PLXNA4: variants seen among roughly 807,000 people sequenced by gnomAD.
PLXNA4 encodes plexin-A4.
Under a neutral mutation model 191.8 loss-of-function variants are expected in PLXNA4, and 44 were observed. The observed-to-expected ratio is 0.23, with a 90% CI of 0.18 to 0.29. The LOEUF is 0.29. PLXNA4 is among the 10% of genes least tolerant of loss of function. The pLI, the probability that PLXNA4 is intolerant of heterozygous loss-of-function variation, is 1.00. For synonymous variants in PLXNA4, 1,082 were observed against 1,009.5 expected, an observed-to-expected ratio of 1.07 and a Z score of -1.36; for missense variants, 1,800 against 2,488.8, an observed-to-expected ratio of 0.72 and a Z score of 5.89.
intron 10 of PLXNA4, among the ~76,000 whole-genome samples, chr7:132,205,071 A>G (rs1303232195): frequency 6.6e-6 from 1 of 152,122 alleles, no homozygotes; most frequent in East Asian, 1.9e-4. Flanking sequence ...GGCCAAGGCC[A>G]GGGTCCGAGC....
chr7:132,152,650 C>T (rs1374541340), intron 25 of PLXNA4, among the ~76,000 whole-genome samples: 4 of 152,188 alleles, frequency 2.6e-5, no homozygotes, highest in South Asian at 2.1e-4. Context: ...GAGGCAATGT[C>T]GTAGCTCAGC....
Position 132,154,496 on chromosome 7 carries a change from A to G in PLXNA4, c.4660+4977T>C, listed in dbSNP as rs367800977. Among the ~76,000 whole-genome samples the G allele has an allele frequency of 3.3e-5, 5 of 151,484 alleles. 1 individual carries two copies. The East Asian group carries it at 9.7e-4, about 29-fold the overall frequency. Reference sequence around the variant, plus strand: ...AGAAGTTCCTGAATAGAAGTGCATTATTTGCACTGAAGGTACTAGATCTTT... The same window carrying G: ...AGAAGTTCCTGAATAGAAGTGCATTGTTTGCACTGAAGGTACTAGATCTTT... On this transcript the variant is annotated intron_variant, in intron 25 of 31. Transcript: ENST00000321063.
chr7:132,485,461 C>G (rs749646720), intron 3 of PLXNA4, among the ~76,000 whole-genome samples: 1 of 152,092 alleles, frequency 6.6e-6, no homozygotes, highest in African/African-American at 2.4e-5. Context: ...AAAATGATCG[C>G]TTAGTGAAAG....
intron 3 of PLXNA4, among the ~76,000 whole-genome samples, chr7:132,319,771 T>C (rs1458923631): frequency 6.6e-6 from 1 of 152,252 alleles, no homozygotes; most frequent in Non-Finnish European, 1.5e-5. Context: ...TGTAAGTTCC[T>C]GAAATGCACA....
At chr7:132,538,155 T>C (rs1234468733) in intron 1 of PLXNA4, among the ~76,000 whole-genome samples, 2 of 152,186 alleles carry the variant, frequency 1.3e-5, no homozygotes, top group Non-Finnish European at 2.9e-5. Flanking sequence ...AGGGTGGCAG[T>C]GGAGCCCTTG....
chr7:132,268,475 A>G (rs1205264608), intron 4 of PLXNA4, among the ~76,000 whole-genome samples: 1 of 152,094 alleles, frequency 6.6e-6, no homozygotes, highest in African/African-American at 2.4e-5. Flanking sequence ...TGAGTTTGAA[A>G]TTTTGTTTGG....
intron 3 of PLXNA4, among the ~76,000 whole-genome samples, chr7:132,359,392 T>C (rs547108641): frequency 6.6e-6 from 1 of 152,054 alleles, no homozygotes; most frequent in Admixed American, 6.6e-5. Context: ...GATTTTTGTA[T>C]TTTTAGTAGA....
intron 1 of PLXNA4, among the ~76,000 whole-genome samples, chr7:132,574,670 A>C (rs114853546): frequency 6.6e-6 from 1 of 152,122 alleles, no homozygotes; most frequent in East Asian, 1.9e-4. Context: ...ATGCTTTTCA[A>C]TCAATCAAAG....
At chr7:132,158,337 C>G (rs1795852354) in intron 25 of PLXNA4, among the ~76,000 whole-genome samples, 1 of 152,174 alleles carries the variant, frequency 6.6e-6, no homozygotes, top group Non-Finnish European at 1.5e-5. Context: ...TCTTGGATGG[C>G]TTAGCCAAAG....
intron 3 of PLXNA4, chr7:132,367,781 C>T (rs1395566136): frequency 1.3e-5 from 2 of 152,226 alleles, no homozygotes; most frequent in African/African-American, 4.8e-5. Flanking sequence ...GCAAAGGGCA[C>T]CTGCAGGGAT....
At position 132,181,489 on chromosome 7, in the gene PLXNA4, C is replaced by G. The variant is rs750327264; in HGVS notation, c.3384G>C (p.Leu1128=). ...TGAAGTTGGTCTTGTTGAGGATGAG[C>G]AGGGACTGGACGTTGTCCAGGATGA... ...FGFILDNVQS[L]LILNKTNFTY... Residue 1128 remains leucine (L), a synonymous_variant, in exon 18 of 32, where the codon CTG becomes CTC. Coordinates refer to ENST00000321063, the MANE Select transcript of PLXNA4 (RefSeq NM_020911.2). 19 of 1,614,000 alleles carry G rather than the reference C, an allele frequency of 1.2e-5. No homozygotes were observed. The highest frequency in any genetic ancestry group is 5.0e-5 in the Admixed American group (3 of 59,992).
intron 1 of PLXNA4, among the ~76,000 whole-genome samples, chr7:132,573,689 C>T (rs1486214896): frequency 2.0e-5 from 3 of 152,142 alleles, no homozygotes; most frequent in African/African-American, 7.2e-5. Context: ...GCCTTGGAGT[C>T]CTCCAGAAAT....
chr7:132,520,529 A>T (rs1799134516), intron 1 of PLXNA4, among the ~76,000 whole-genome samples: 2 of 152,152 alleles, frequency 1.3e-5, no homozygotes, highest in Non-Finnish European at 2.9e-5. Context: ...GCATGATCTG[A>T]CCCATTTCAT....
intron 1 of PLXNA4, among the ~76,000 whole-genome samples, chr7:132,539,336 C>G (rs938048768): frequency 6.6e-6 from 1 of 152,220 alleles, no homozygotes; most frequent in Non-Finnish European, 1.5e-5. Flanking sequence ...GCTCACAATA[C>G]ATTCCAAATT....
intron 3 of PLXNA4, among the ~76,000 whole-genome samples, chr7:132,329,793 T>A (rs11769352): frequency 0.037 from 5,577 of 152,214 alleles, 159 homozygotes; most frequent in Middle Eastern, 0.068. Context: ...AAATGAAGGC[T>A]CCCAGGTTCT....
At chr7:132,193,345 A>C (rs1797153106) in intron 14 of PLXNA4, among the ~76,000 whole-genome samples, 1 of 152,190 alleles carries the variant, frequency 6.6e-6, no homozygotes, top group African/African-American at 2.4e-5. Context: ...TAGCCCCTAG[A>C]TCTTGGACTT....
intron 3 of PLXNA4, among the ~76,000 whole-genome samples, chr7:132,316,010 T>C (rs917844817): frequency 2.0e-5 from 3 of 152,300 alleles, no homozygotes; most frequent in East Asian, 3.9e-4. Context: ...GGAAGTGTTG[T>C]ATGTTTCCAG....
At chr7:132,326,484 C>A (rs537418701) in intron 3 of PLXNA4, among the ~76,000 whole-genome samples, 1 of 152,244 alleles carries the variant, frequency 6.6e-6, no homozygotes, top group South Asian at 2.1e-4. Context: ...GTCTGGCCCC[C>A]TCTCTGTCCT....
intron 3 of PLXNA4, among the ~76,000 whole-genome samples, chr7:132,393,553 T>C (rs1793612905): frequency 6.6e-6 from 1 of 152,194 alleles, no homozygotes; most frequent in Non-Finnish European, 1.5e-5. Context: ...ATTCATTCAT[T>C]CATTCATCTG....
Sources: allele counts gnomAD v4.1 joint callset (sites outside exome capture counted in the v4.1 genomes callset), GRCh38; gene constraint gnomAD v4.1.1; transcripts MANE v1.5; gene names NCBI Gene and HGNC (gene_info 2026-07-23, HGNC 2026-07-21).